Variants in ANK3 observed in about 807,000 individuals in gnomAD.
The protein encoded by ANK3 is ankyrin 3, also known as ankyrin-3.
ANK3 carries 57 observed loss-of-function variants against 370.9 expected under a neutral mutation model. The observed-to-expected ratio is 0.15, with a 90% CI of 0.12 to 0.19. The LOEUF (loss-of-function observed/expected upper bound fraction) is 0.19. Among genes scored for constraint, ANK3 ranks in the 10% least tolerant of loss-of-function variants. The pLI, the probability that ANK3 is intolerant of heterozygous loss-of-function variation, is 1.00. For synonymous variants in ANK3, 1,929 were observed against 1,946.3 expected, an observed-to-expected ratio of 0.99 and a Z score of 0.23; for missense variants, 4,439 against 5,302.1, an observed-to-expected ratio of 0.84 and a Z score of 5.06.
chr10:60,557,749 C>T (rs1471911363), intron 2 of ANK3, among the ~76,000 whole-genome samples: 1 of 151,968 alleles, frequency 6.6e-6, no homozygotes, highest in Non-Finnish European at 1.5e-5. Context: ...TGACAAAATG[C>T]CCCAGAGGGA....
intron 2 of ANK3, among the ~76,000 whole-genome samples, chr10:60,550,313 T>C (rs1361888084): frequency 6.6e-6 from 1 of 151,958 alleles, no homozygotes; most frequent in African/African-American, 2.4e-5. Context: ...AGCTTTTAGA[T>C]TCCTTTCCTG....
At chr10:60,423,962 G>A (rs1472900777) in intron 2 of ANK3, among the ~76,000 whole-genome samples, 8 of 151,996 alleles carry the variant, frequency 5.3e-5, no homozygotes, top group East Asian at 1.9e-4. Context: ...TCACATAAGC[G>A]TTTTAATATT....
intron 2 of ANK3, among the ~76,000 whole-genome samples, chr10:60,463,654 A>G (rs1293572172): frequency 1.3e-5 from 2 of 151,514 alleles, no homozygotes; most frequent in African/African-American, 4.8e-5. Context: ...TTTATTCTCA[A>G]TGGTGAACAT....
intron 1 of ANK3, among the ~76,000 whole-genome samples, chr10:60,634,008 T>C (rs2078519306): frequency 6.6e-6 from 1 of 152,188 alleles, no homozygotes; most frequent in South Asian, 2.1e-4. Flanking sequence ...ACTCCAATAC[T>C]TTGATCAAAA....
At chr10:60,502,536 C>T (rs377668357) in intron 2 of ANK3, among the ~76,000 whole-genome samples, 3 of 152,102 alleles carry the variant, frequency 2.0e-5, no homozygotes, top group South Asian at 4.1e-4. Context: ...AAGCTCTTGT[C>T]GGGCATGATG....
intron 2 of ANK3, among the ~76,000 whole-genome samples, chr10:60,495,365 T>C (rs1208606034): frequency 6.6e-6 from 1 of 152,218 alleles, no homozygotes; most frequent in Admixed American, 6.5e-5. Flanking sequence ...ATTCCTGGGC[T>C]ACACCTAGAC....
intron 28 of ANK3, among the ~76,000 whole-genome samples, chr10:60,095,194 T>C (rs1163594233): frequency 1.3e-5 from 2 of 152,242 alleles, no homozygotes; most frequent in Non-Finnish European, 2.9e-5. Flanking sequence ...AGTTAAACTA[T>C]ATTAAATTAA....
chr10:60,688,789 A>G (rs975062621), intron 1 of ANK3, among the ~76,000 whole-genome samples: 1 of 152,004 alleles, frequency 6.6e-6, no homozygotes. Context: ...TCTACTAAAA[A>G]TACAAAAAAT....
intron 1 of ANK3, among the ~76,000 whole-genome samples, chr10:60,670,732 G>T (rs2079055066): frequency 6.6e-6 from 1 of 152,146 alleles, no homozygotes; most frequent in South Asian, 2.1e-4. Context: ...ATATTTAGTT[G>T]GTACTATTTG....
At chr10:60,361,810 G>GT (rs1344757840) in intron 1 of ANK3, among the ~76,000 whole-genome samples, 1 of 152,136 alleles carries the variant, frequency 6.6e-6, no homozygotes, top group Non-Finnish European at 1.5e-5. Context: ...TTTGGGTCAA[G>GT]TAAGTTGAAG....
chr10:60,730,812 A>G (rs2080011837), intron 1 of ANK3, among the ~76,000 whole-genome samples: 1 of 152,190 alleles, frequency 6.6e-6, no homozygotes, highest in Non-Finnish European at 1.5e-5. Context: ...AGAAGTATAA[A>G]CTTTAATAAT....
intron 2 of ANK3, among the ~76,000 whole-genome samples, chr10:60,518,816 C>T (rs985716138): frequency 3.3e-5 from 5 of 152,110 alleles, no homozygotes; most frequent in African/African-American, 1.2e-4. Flanking sequence ...TTTTAATTAT[C>T]CAAACCAATA....
At chr10:60,044,309 C>T in intron 42 of ANK3, 1 of 984,496 alleles carries the variant, frequency 1.0e-6, no homozygotes, top group Non-Finnish European at 1.2e-6. Context: ...AATTGTTCTT[C>T]TGTGACAGAT....
At chr10:60,491,412 G>A (rs975589606) in intron 2 of ANK3, among the ~76,000 whole-genome samples, 14 of 152,174 alleles carry the variant, frequency 9.2e-5, no homozygotes, top group Admixed American at 2.6e-4. Flanking sequence ...ATCAAAAACC[G>A]TGCCTCTGTG....
intron 2 of ANK3, among the ~76,000 whole-genome samples, chr10:60,574,059 C>T (rs563330052): frequency 2.0e-5 from 3 of 152,230 alleles, no homozygotes; most frequent in African/African-American, 7.2e-5. Context: ...GTGTGGGGGA[C>T]TTAACAGTGG....
intron 2 of ANK3, among the ~76,000 whole-genome samples, chr10:60,460,768 C>A (rs933743334): frequency 1.3e-5 from 2 of 152,068 alleles, no homozygotes; most frequent in Admixed American, 6.6e-5. Context: ...AAGACACTAA[C>A]AACTCAATGC....
chr10:60,640,874 G>A (rs1479001088), intron 1 of ANK3, among the ~76,000 whole-genome samples: 21 of 90,994 alleles, frequency 2.3e-4, no homozygotes, highest in African/African-American at 7.8e-4. Context: ...TGACATGATT[G>A]TATGTCTAGA....
At chr10:60,514,754 A>G (rs562155566) in intron 2 of ANK3, among the ~76,000 whole-genome samples, 1 of 152,286 alleles carries the variant, frequency 6.6e-6, no homozygotes, top group South Asian at 2.1e-4. Flanking sequence ...CTCCTAATGA[A>G]GAAAATAGAA....
chr10:60,043,583 T>G (rs1276148850), intron 42 of ANK3: 1 of 985,264 alleles, frequency 1.0e-6, no homozygotes, highest in Non-Finnish European at 1.2e-6. Flanking sequence ...CAGACGAAGA[T>G]GGAGGAATTC....
Sources: allele counts gnomAD v4.1 joint callset (sites outside exome capture counted in the v4.1 genomes callset), GRCh38; gene constraint gnomAD v4.1.1; transcripts MANE v1.5; gene names NCBI Gene and HGNC (gene_info 2026-07-23, HGNC 2026-07-21).